The following TRERF1 variants were observed in gnomAD, a reference collection of about 807,000 sequenced individuals.
TRERF1 encodes the protein transcriptional regulating factor 1.
Under a neutral mutation model 122.9 loss-of-function variants are expected in TRERF1, and 27 were observed. That is an observed-to-expected ratio of 0.22 (90% CI 0.16 to 0.30). The LOEUF (loss-of-function observed/expected upper bound fraction) is 0.30, where lower values mean the gene tolerates loss of function less well. Among genes scored for constraint, TRERF1 ranks in the 10% least tolerant of loss-of-function variants. The pLI, the probability that TRERF1 is intolerant of heterozygous loss-of-function variation, is 1.00. For missense variants in TRERF1, 1,248 were observed against 1,560.3 expected (o/e 0.80, Z 3.37); for synonymous variants, 636 against 641.7 (o/e 0.99, Z 0.13).
rs1769827025 is a variant in TRERF1, at chr6:42,228,361, C to T, written c.3587G>A (p.Gly1196Asp). ...CACAGGGCTTTATAGTTCTGCGTCA[C>T]CCTGAAGCAAGACTGAATCTTGATC... is the stretch of plus-strand genomic sequence containing the variant. The change falls in exon 18 of 18, where the codon GGT (glycine) becomes GAT (aspartate). Residue 1196 changes from glycine (G) to aspartate (D), a missense_variant. Gly to Asp is a moderately conservative substitution (Grantham distance 94). This residue lies in a region of TRERF1 where 84 missense variants were observed against 116.0 expected (regional missense o/e 0.72). Transcript: ENST00000372922. The surrounding 1 kb of genome is among the most constrained non-coding windows in gnomAD (Gnocchi z 4.2). 6 of 1,613,092 alleles carry T rather than the reference C, an allele frequency of 3.7e-6. No homozygotes were observed. Among genetic ancestry groups the T allele is most frequent in the Non-Finnish European group, 5.1e-6 (6 of 1,179,334 alleles).
chr6:42,387,010 T>C (rs1369602997), intron 2 of TRERF1, among the ~76,000 whole-genome samples: 1 of 152,150 alleles, frequency 6.6e-6, no homozygotes, highest in African/African-American at 2.4e-5. Context: ...CCCAAAAATA[T>C]CTGCAGACAT....
At position 42,228,214 on chromosome 6, in the gene TRERF1, A is replaced by G; in HGVS notation, c.*131T>C. On this transcript the variant is annotated 3_prime_UTR_variant, in exon 18 of 18. Coordinates refer to ENST00000372922, the Ensembl canonical transcript of TRERF1. This position sits in a 1 kb window ranked among gnomAD's most constrained non-coding sequence, Gnocchi z 4.2. ...AAAGAAATAGGATTTTTTTTTCTAA[A>G]CCTGAATAAAATGACCACTTTTAAA... is the stretch of plus-strand genomic sequence containing the variant. 1.3e-6 allele frequency: 1 copy of G among 798,568 alleles called. No individual in the cohort carries two copies. Among genetic ancestry groups the G allele is most frequent in the Non-Finnish European group, 1.8e-6 (1 of 557,570 alleles). 49.5% of individuals were successfully genotyped at this position (798,568 alleles called of 1,614,324 possible). A position where few individuals can be genotyped will look rare whatever the true frequency, so the allele number is the denominator to read the frequency against.
rs544293425 is a variant in TRERF1 at position 42,360,818 on chromosome 6, A to C, written c.-371+2179T>G. 4.1e-5 allele frequency among the ~76,000 whole-genome samples: 6 copies of C among 145,812 alleles called. No homozygotes were observed. The South Asian group carries it at 1.3e-3, about 32-fold the overall frequency. On this transcript the variant is annotated intron_variant, in intron 3 of 17. Coordinates refer to ENST00000372922, the Ensembl canonical transcript of TRERF1. ...AAAAAAAAAACCTGGATGGTTTAGGATACTGCTGAGCTGCTGGTTCACACC... is the reference window on the plus strand; with the variant it reads ...AAAAAAAAAACCTGGATGGTTTAGGCTACTGCTGAGCTGCTGGTTCACACC...
intron 2 of TRERF1, among the ~76,000 whole-genome samples, chr6:42,429,870 C>A (rs1473692985): frequency 6.6e-6 from 1 of 152,108 alleles, no homozygotes; most frequent in Non-Finnish European, 1.5e-5. Context: ...GGGGATGGGT[C>A]ATTCGGGCGA....
chr6:42,316,303 C>T lies in TRERF1; in HGVS notation c.-370-15554G>A, dbSNP rs561352066. Among the ~76,000 whole-genome samples the T allele has an allele frequency of 7.9e-4, 120 of 152,192 alleles. No homozygotes were observed. The South Asian group carries it at 0.014, about 18-fold the overall frequency. ...GGAAAGAAAATCTAGGTGAGGGTCT[C>T]ATTACTAAGAAATGAGAAAAATGCC... On this transcript the variant is annotated intron_variant, in intron 3 of 17. Transcript: ENST00000372922.
At chr6:42,449,528 C>T (rs1788104073) in intron 2 of TRERF1, among the ~76,000 whole-genome samples, 1 of 151,270 alleles carries the variant, frequency 6.6e-6, no homozygotes, top group African/African-American at 2.4e-5. Flanking sequence ...AAATAAATCT[C>T]ATAAATATAA....
chr6:42,246,676 CA>C, intron 13 of TRERF1, 132 bp from the exon 14 acceptor site: 1 of 579,866 alleles, frequency 1.7e-6, no homozygotes, highest in Non-Finnish European at 2.9e-6. Context: ...CCCATTTGAA[CA>C]AAAAGATAGT....
At chr6:42,247,969 CATA>C (rs1258145065) in intron 13 of TRERF1, among the ~76,000 whole-genome samples, 3 of 152,314 alleles carry the variant, frequency 2.0e-5, no homozygotes, top group South Asian at 2.1e-4. Flanking sequence ...TACCCCAAAT[CATA>C]ATATCTTTCC....
intron 2 of TRERF1, among the ~76,000 whole-genome samples, chr6:42,377,519 A>C (rs1223029999): frequency 6.6e-6 from 1 of 152,266 alleles, no homozygotes; most frequent in South Asian, 2.1e-4. Flanking sequence ...TTATGGATGA[A>C]TAACATTCCA....
chr6:42,234,340 GCTTGTTTT>G lies in TRERF1; in HGVS notation c.3067-1456_3067-1449del, dbSNP rs147474111. 6.2e-3 allele frequency among the ~76,000 whole-genome samples: 928 copies of G among 149,962 alleles called. 12 individuals are homozygous for G. Among genetic ancestry groups the G allele is most frequent in the African/African-American group, 0.021 (851 of 40,148 alleles). The stretch of plus-strand genomic sequence containing the variant: ...CTCTGTTTTTTTTGTTTGTTTGTTT[GCTTGTTTT>G]TTTTTTTTCAGATGGAGTCTCACTC... On this transcript the variant is annotated intron_variant, in intron 16 of 17. Transcript: ENST00000372922.
At chr6:42,272,952 G>GGATGCT in intron 4 of TRERF1, among the ~76,000 whole-genome samples, 1 of 152,140 alleles carries the variant, frequency 6.6e-6, no homozygotes, top group Non-Finnish European at 1.5e-5. Flanking sequence ...CTCCCAAACT[G>GGATGCT]GATGCTGTTT....
intron 2 of TRERF1, among the ~76,000 whole-genome samples, chr6:42,382,183 A>G (rs988576599): frequency 1.3e-5 from 2 of 151,382 alleles, no homozygotes; most frequent in Admixed American, 1.3e-4. Flanking sequence ...CGGAGTCTCC[A>G]GGGTTGGACA....
At chr6:42,448,929 G>A (rs1788000811) in intron 2 of TRERF1, among the ~76,000 whole-genome samples, 1 of 152,136 alleles carries the variant, frequency 6.6e-6, no homozygotes, top group African/African-American at 2.4e-5. Context: ...ATTAAAGAAG[G>A]AGAAAAAGAA....
chr6:42,271,744 C>G (rs953779833), intron 4 of TRERF1, among the ~76,000 whole-genome samples: 1 of 152,000 alleles, frequency 6.6e-6, no homozygotes, highest in Non-Finnish European at 1.5e-5. Flanking sequence ...TGTGATAACT[C>G]AAACCAGAAG....
intron 4 of TRERF1, among the ~76,000 whole-genome samples, chr6:42,283,466 G>A (rs1424480528): frequency 3.3e-5 from 5 of 152,140 alleles, no homozygotes. Flanking sequence ...TTGTCTGCAG[G>A]GAGGTGGTAG....
At chr6:42,418,258 C>CTTTTT (rs1384299239) in intron 2 of TRERF1, among the ~76,000 whole-genome samples, 1 of 8,852 alleles carries the variant, frequency 1.1e-4, no homozygotes, top group Non-Finnish European at 2.5e-4. Flanking sequence ...TTTGCTCTTT[C>CTTTTT]TTTCTTTCTT....
At chr6:42,304,851 T>A (rs183091679) in intron 3 of TRERF1, among the ~76,000 whole-genome samples, 2 of 152,290 alleles carry the variant, frequency 1.3e-5, no homozygotes, top group East Asian at 3.9e-4. Context: ...AAAACCAGGG[T>A]GCTTACAGAT....
chr6:42,322,930 A>G lies in TRERF1; in HGVS notation c.-370-22181T>C, dbSNP rs1242689238. The stretch of plus-strand genomic sequence containing the variant: ...AAAGTAAAGGAGCCTAGTTGACACA[A>G]TCCACTGAGGTTGGTCTCCCAGGCC... On this transcript the variant is annotated intron_variant, in intron 3 of 17. Transcript: ENST00000372922. Among the ~76,000 whole-genome samples the G allele has an allele frequency of 2.0e-5, 3 of 151,912 alleles. No individual in the cohort carries two copies. In the East Asian group the frequency reaches 5.8e-4, roughly 29 times the overall value.
At chr6:42,348,419 A>G (rs1008308595) in intron 3 of TRERF1, among the ~76,000 whole-genome samples, 1 of 151,972 alleles carries the variant, frequency 6.6e-6, no homozygotes, top group Non-Finnish European at 1.5e-5. Context: ...ATGCCCAGCT[A>G]ATTTTTTATT....
Sources: gnomAD v4.1 joint callset for allele counts (sites outside exome capture counted in the v4.1 genomes callset) on GRCh38, gnomAD v4.1.1 for gene constraint, gnomAD v4.1.1 regional missense constraint, Gnocchi (gnomAD v3.1) non-coding constraint, MANE v1.5 for transcripts, NCBI Gene and HGNC (gene_info 2026-07-23, HGNC 2026-07-21) for gene names.